UXS1: variants seen among roughly 807,000 people sequenced by gnomAD.
The protein encoded by UXS1 is UDP-glucuronic acid decarboxylase 1.
Under a neutral mutation model 62.6 loss-of-function variants are expected in UXS1, and 33 were observed. The ratio of observed to expected loss-of-function variants is 0.53; its 90% CI spans 0.40 to 0.70. The LOEUF is 0.70. UXS1 is among the 30% of genes least tolerant of loss of function. The pLI is 0.00. For synonymous variants in UXS1, 213 were observed against 206.8 expected, an observed-to-expected ratio of 1.03 and a Z score of -0.26; for missense variants, 434 against 556.3, an observed-to-expected ratio of 0.78 and a Z score of 2.21.
intron 2 of UXS1, 125 bp from the exon 3 acceptor site, chr2:106,164,924 A>C (rs2105061283): frequency 1.5e-6 from 1 of 660,096 alleles, no homozygotes; most frequent in Non-Finnish European, 2.5e-6. Context: ...TCATGTGTAC[A>C]ATTCCCTCCA....
intron 8 of UXS1, among the ~76,000 whole-genome samples, chr2:106,123,311 A>T (rs1679671601): frequency 6.6e-6 from 1 of 151,846 alleles, no homozygotes; most frequent in African/African-American, 2.4e-5. Context: ...AAAAAAAAAA[A>T]GAAAAAGATC....
intron 5 of UXS1, among the ~76,000 whole-genome samples, chr2:106,155,567 A>G (rs1023393147): frequency 1.3e-5 from 2 of 152,228 alleles, no homozygotes; most frequent in Non-Finnish European, 2.9e-5. Flanking sequence ...TACCTACAGT[A>G]TTCAGTATAG....
chr2:106,117,542 TCA>T (rs533167737), intron 9 of UXS1, among the ~76,000 whole-genome samples: 202 of 152,240 alleles, frequency 1.3e-3, no homozygotes, highest in African/African-American at 4.7e-3. Context: ...TGTAACGTGA[TCA>T]CTATATTCGC....
chr2:106,153,160 A>C lies in UXS1; in HGVS notation c.291+4898T>G, dbSNP rs188953191. 1.0e-4 allele frequency among the ~76,000 whole-genome samples: 15 copies of C among 148,056 alleles called. No homozygotes were observed. The East Asian group carries it at 2.9e-3, about 29-fold the overall frequency. The stretch of plus-strand genomic sequence containing the variant: ...CCAGCTTGTTTAACAGAGAGAACCA[A>C]GGAGAGGACACTTAAGAAACCTCCT... On this transcript the variant is annotated intron_variant, in intron 5 of 14. Coordinates refer to ENST00000283148, the MANE Select transcript of UXS1 (RefSeq NM_001253875.2).
At chr2:106,178,576 A>G (rs1370784043) in intron 1 of UXS1, among the ~76,000 whole-genome samples, 5 of 151,978 alleles carry the variant, frequency 3.3e-5, no homozygotes, top group African/African-American at 4.8e-5. Context: ...GTGTATATAT[A>G]TATGTGTATA....
intron 6 of UXS1, among the ~76,000 whole-genome samples, chr2:106,130,203 C>A (rs1397487480): frequency 1.3e-5 from 2 of 151,894 alleles, no homozygotes; most frequent in African/African-American, 2.4e-5. Flanking sequence ...AGTAGCCTCT[C>A]GTTTGTTTTT....
chr2:106,175,298 T>A (rs1449008909), intron 1 of UXS1, among the ~76,000 whole-genome samples: 1 of 152,212 alleles, frequency 6.6e-6, no homozygotes. Context: ...TGTTTGCTGT[T>A]CCTCTCAAGC....
chr2:106,098,455 G>A (rs1008070361), intron 13 of UXS1, among the ~76,000 whole-genome samples: 19 of 152,170 alleles, frequency 1.2e-4, no homozygotes, highest in Non-Finnish European at 1.5e-4. Context: ...ATACAATCGT[G>A]CCTCAAACAC....
At chr2:106,107,779 G>A (rs569411848) in intron 10 of UXS1, among the ~76,000 whole-genome samples, 17 of 152,348 alleles carry the variant, frequency 1.1e-4, no homozygotes, top group African/African-American at 4.1e-4. Context: ...CTCGCCAGGG[G>A]CAGCTCCCCA....
chr2:106,161,077 A>G (rs1370987695), intron 4 of UXS1, among the ~76,000 whole-genome samples: 1 of 152,180 alleles, frequency 6.6e-6, no homozygotes, highest in East Asian at 1.9e-4. Flanking sequence ...AGTGACTGAT[A>G]GAGTGCAGTG....
intron 4 of UXS1, chr2:106,159,468 G>A (rs1682722448): frequency 6.6e-6 from 1 of 152,196 alleles, no homozygotes; most frequent in Non-Finnish European, 1.5e-5. Context: ...ATACCCTCTT[G>A]CTGCCCTAAG....
intron 5 of UXS1, among the ~76,000 whole-genome samples, chr2:106,153,313 G>C (rs1224953509): frequency 1.3e-5 from 2 of 152,206 alleles, no homozygotes; most frequent in East Asian, 3.9e-4. Flanking sequence ...CAATTAGCTA[G>C]CAACCACTGC....
chr2:106,169,917 C>T (rs1269626641), intron 1 of UXS1, among the ~76,000 whole-genome samples: 1 of 152,136 alleles, frequency 6.6e-6, no homozygotes, highest in African/African-American at 2.4e-5. Flanking sequence ...GTCCAAGCCA[C>T]AGCCAAAGCT....
At chr2:106,165,007 C>G (rs1232195820) in intron 2 of UXS1, among the ~76,000 whole-genome samples, 1 of 152,188 alleles carries the variant, frequency 6.6e-6, no homozygotes, top group Non-Finnish European at 1.5e-5. Context: ...TGAACATGCT[C>G]AGTATTACCT....
In UXS1 at chr2:106,093,980, C is replaced by A; in HGVS notation, c.*46G>T. 1 of 1,514,568 alleles carries A rather than the reference C, an allele frequency of 6.6e-7. No homozygotes were observed. Among genetic ancestry groups the A allele is most frequent in the Non-Finnish European group, 8.8e-7 (1 of 1,137,122 alleles). The allele number at this position is 1,514,568 out of a possible 1,614,324, so 93.8% of individuals were successfully genotyped here. ...CAACAAAAAAAAGCCAAAAATACATCCCATCAAGTGTACAATGGTAGTCTT... is the reference window on the plus strand; with the variant it reads ...CAACAAAAAAAAGCCAAAAATACATACCATCAAGTGTACAATGGTAGTCTT... On this transcript the variant is annotated 3_prime_UTR_variant, in exon 15 of 15. Transcript: ENST00000283148.
chr2:106,114,816 C>T (rs567308090), intron 9 of UXS1, among the ~76,000 whole-genome samples: 6 of 152,146 alleles, frequency 3.9e-5, no homozygotes, highest in South Asian at 4.1e-4. Context: ...TCCAAGAACA[C>T]GAGCTCTCAA....
chr2:106,137,635 A>T (rs944430658), intron 6 of UXS1, among the ~76,000 whole-genome samples: 63 of 146,694 alleles, frequency 4.3e-4, no homozygotes, highest in East Asian at 2.4e-3. Flanking sequence ...TAAAAATATA[A>T]AAAAAAAAAA....
intron 1 of UXS1, among the ~76,000 whole-genome samples, chr2:106,174,165 G>C (rs1683731627): frequency 6.6e-6 from 1 of 152,032 alleles, no homozygotes; most frequent in East Asian, 1.9e-4. Context: ...AGGTCAAGAT[G>C]GGCAGGATGG....
At chr2:106,118,378 G>C (rs772845192) in intron 9 of UXS1, among the ~76,000 whole-genome samples, 2 of 152,150 alleles carry the variant, frequency 1.3e-5, no homozygotes, top group Non-Finnish European at 2.9e-5. Flanking sequence ...GCCATTTGCT[G>C]GTTTTATGAA....
Sources: allele counts gnomAD v4.1 joint callset (sites outside exome capture counted in the v4.1 genomes callset), GRCh38; gene constraint gnomAD v4.1.1; transcripts MANE v1.5; gene names NCBI Gene and HGNC (gene_info 2026-07-23, HGNC 2026-07-21).